The following RASAL2 variants were observed in gnomAD, a reference collection of about 807,000 sequenced individuals.
The protein encoded by RASAL2 is RAS protein activator like 2, also known as ras GTPase-activating protein nGAP.
Under a neutral mutation model 128.9 loss-of-function variants are expected in RASAL2, and 58 were observed. The observed-to-expected ratio is 0.45, with a 90% CI of 0.36 to 0.56. RASAL2 has a LOEUF of 0.56. RASAL2 is among the 20% of genes least tolerant of loss of function. RASAL2 has a pLI of 0.00. For synonymous variants in RASAL2, 561 were observed against 580.8 expected (o/e 0.97, Z 0.49); for missense variants, 1,360 against 1,601.6 (o/e 0.85, Z 2.57).
chr1:178,145,904 C>A (rs948253299), intron 1 of RASAL2, among the ~76,000 whole-genome samples: 13 of 152,206 alleles, frequency 8.5e-5, no homozygotes, highest in African/African-American at 2.9e-4. Context: ...CCAAAACTCA[C>A]ACACATAGTC....
intron 4 of RASAL2, among the ~76,000 whole-genome samples, chr1:178,405,345 A>C (rs563295393): frequency 3.3e-5 from 5 of 152,256 alleles, no homozygotes; most frequent in Non-Finnish European, 7.3e-5. Context: ...AGAGTAGAAT[A>C]GTGGTTCCTC....
chr1:178,454,190 C>T (rs1294514034), intron 11 of RASAL2, among the ~76,000 whole-genome samples: 1 of 129,372 alleles, frequency 7.7e-6, no homozygotes, highest in Non-Finnish European at 1.6e-5. Context: ...ATTTAAATCC[C>T]AGAACTAAAA....
chr1:178,124,070 C>T (rs990197172), intron 1 of RASAL2, among the ~76,000 whole-genome samples: 6 of 152,164 alleles, frequency 3.9e-5, no homozygotes, highest in African/African-American at 1.4e-4. Context: ...TGAAAGTAGA[C>T]CTGCTCTGGT....
chr1:178,452,852 G>A (rs761514520), intron 11 of RASAL2, among the ~76,000 whole-genome samples, 200 bp downstream of exon 11: 2 of 151,940 alleles, frequency 1.3e-5, no homozygotes, highest in Non-Finnish European at 2.9e-5. Flanking sequence ...TGCATTCAAT[G>A]GAATATTTGC....
At chr1:178,142,125 G>A (rs540497058) in intron 1 of RASAL2, among the ~76,000 whole-genome samples, 116 of 152,226 alleles carry the variant, frequency 7.6e-4, no homozygotes, top group South Asian at 2.7e-3. Context: ...AAGAGCAGGC[G>A]CAGATCCTCT....
At chr1:178,300,169 A>G (rs1422204807) in intron 3 of RASAL2, 51 bp downstream of exon 3, 1 of 1,552,776 alleles carries the variant, frequency 6.4e-7, no homozygotes, top group African/African-American at 1.4e-5. Context: ...CCCATAATTT[A>G]TGGACTTGTT....
chr1:178,390,155 A>G lies in RASAL2; in HGVS notation c.513A>G (p.Ser171=). The change falls in exon 4 of 18, where the codon TCA becomes TCG. Residue 171 remains serine (S), a synonymous_variant. Transcript: ENST00000367649. The stretch of plus-strand genomic sequence containing the variant: ...GGAGTATCTCAGGGACCAGTACATC[A>G]GAGAAACCCAACTCCATGGACACTG... ...RRRSISGTST[S]EKPNSMDTAN... is the part of the protein sequence containing the mutation. 1 of 1,613,454 alleles carries G rather than the reference A, an allele frequency of 6.2e-7. No individual in the cohort carries two copies. Among genetic ancestry groups the G allele is most frequent in the Non-Finnish European group, 8.5e-7 (1 of 1,179,606 alleles).
chr1:178,299,752 C>T (rs138883964), intron 2 of RASAL2, among the ~76,000 whole-genome samples: 6,780 of 152,246 alleles, frequency 0.045, 513 homozygotes, highest in African/African-American at 0.15. Context: ...ACCTCAGCCT[C>T]CCAAAGTGCT....
chr1:178,461,977 A>T (rs1212176111), intron 14 of RASAL2, among the ~76,000 whole-genome samples: 1 of 152,238 alleles, frequency 6.6e-6, no homozygotes, highest in Non-Finnish European at 1.5e-5. Context: ...CTGTTTTTCC[A>T]GGGAAACCCT....
At chr1:178,454,877 G>A (rs1488042345) in intron 12 of RASAL2, among the ~76,000 whole-genome samples, 2 of 151,928 alleles carry the variant, frequency 1.3e-5, no homozygotes, top group African/African-American at 4.8e-5. Context: ...TGAATTAATG[G>A]AGTATATTTC....
chr1:178,210,733 T>C (rs1424554339), intron 1 of RASAL2, among the ~76,000 whole-genome samples: 1 of 152,250 alleles, frequency 6.6e-6, no homozygotes, highest in East Asian at 1.9e-4. Context: ...TCTGAAAGTT[T>C]AGATAAAGAT....
intron 1 of RASAL2, among the ~76,000 whole-genome samples, chr1:178,162,560 TC>T (rs1265939468): frequency 3.7e-5 from 5 of 135,590 alleles, no homozygotes; most frequent in East Asian, 2.0e-4. Flanking sequence ...ATATAATATA[TC>T]TTTATATAAA....
intron 3 of RASAL2, among the ~76,000 whole-genome samples, chr1:178,333,776 T>C (rs1669456662): frequency 6.6e-6 from 1 of 152,234 alleles, no homozygotes; most frequent in Non-Finnish European, 1.5e-5. Flanking sequence ...AAAAACAAAT[T>C]ATCTTTTCTT....
intron 1 of RASAL2, among the ~76,000 whole-genome samples, chr1:178,200,185 G>A (rs1021540863): frequency 6.6e-6 from 1 of 152,160 alleles, no homozygotes; most frequent in Non-Finnish European, 1.5e-5. Context: ...TACCAAGAGT[G>A]GTTCTAGAGG....
intron 1 of RASAL2, among the ~76,000 whole-genome samples, chr1:178,280,457 A>G (rs1251440236): frequency 1.3e-5 from 2 of 152,072 alleles, no homozygotes; most frequent in African/African-American, 4.8e-5. Flanking sequence ...TAAATTTCTC[A>G]GTTTTAATTT....
chr1:178,295,111 CACTT>C (rs1667432753), intron 2 of RASAL2, among the ~76,000 whole-genome samples: 1 of 152,028 alleles, frequency 6.6e-6, no homozygotes, highest in East Asian at 1.9e-4. Context: ...TATATCTTCA[CACTT>C]AGTACTGGTA....
chr1:178,313,034 G>A (rs534218117), intron 3 of RASAL2, among the ~76,000 whole-genome samples: 1 of 152,242 alleles, frequency 6.6e-6, no homozygotes, highest in East Asian at 1.9e-4. Flanking sequence ...GCCATTAAGT[G>A]GCAAAGATAG....
At chr1:178,305,081 G>A (rs1667929870) in intron 3 of RASAL2, among the ~76,000 whole-genome samples, 1 of 151,992 alleles carries the variant, frequency 6.6e-6, no homozygotes. Context: ...GAAGTACCTA[G>A]GAATTAACCA....
At chr1:178,304,515 C>A (rs1476205662) in intron 3 of RASAL2, among the ~76,000 whole-genome samples, 1 of 152,064 alleles carries the variant, frequency 6.6e-6, no homozygotes, top group Non-Finnish European at 1.5e-5. Flanking sequence ...AGAGTGAGAC[C>A]TTGTCTCAAA....
Sources: gnomAD v4.1 joint callset for allele counts (sites outside exome capture counted in the v4.1 genomes callset) on GRCh38, gnomAD v4.1.1 for gene constraint, MANE v1.5 for transcripts, NCBI Gene and HGNC (gene_info 2026-07-23, HGNC 2026-07-21) for gene names.